SLC35F2: variants seen among roughly 807,000 people sequenced by gnomAD.
SLC35F2 encodes solute carrier family 35 member F2, also known as queuine/queuosine transporter SLC35F2.
A neutral mutation model predicts 38.1 loss-of-function variants in SLC35F2; 25 were observed. The ratio of observed to expected loss-of-function variants is 0.66; its 90% confidence interval spans 0.48 to 0.92. The LOEUF (loss-of-function observed/expected upper bound fraction) is 0.92. SLC35F2 is among the 40% of genes least tolerant of loss of function. The pLI, the probability that SLC35F2 is intolerant of heterozygous loss-of-function variation, is 0.00. For synonymous variants in SLC35F2, 173 were observed against 181.7 expected, an observed-to-expected ratio of 0.95 and a Z score of 0.38; for missense variants, 409 against 452.9, an observed-to-expected ratio of 0.90 and a Z score of 0.88.
chr11:107,852,245 T>G (rs1860198745), intron 1 of SLC35F2, among the ~76,000 whole-genome samples: 1 of 151,756 alleles, frequency 6.6e-6, no homozygotes, highest in African/African-American at 2.4e-5. Context: ...TGGTGAAACC[T>G]CATCTCTGCT....
rs1205969339 is a variant in SLC35F2, at chr11:107,791,534, G to A, written c.*1081C>T. The A allele has an allele frequency of 6.6e-6, 1 of 152,238 alleles. No homozygotes were observed. Among genetic ancestry groups the A allele is most frequent in the East Asian group, 1.9e-4 (1 of 5,194 alleles). 9.4% of individuals were successfully genotyped at this position (152,238 alleles called of 1,614,324 possible). ...GTCACAGGCTCCGAGAGCAGAGAGA[G>A]TTTGCTCTGGGACCTGGAATGAGTG... is the stretch of plus-strand genomic sequence containing the variant. On this transcript the variant is annotated 3_prime_UTR_variant, in exon 8 of 8. Transcript: ENST00000525815.
intron 1 of SLC35F2, among the ~76,000 whole-genome samples, chr11:107,833,828 A>T (rs984382884): frequency 2.0e-5 from 3 of 152,326 alleles, no homozygotes; most frequent in African/African-American, 7.2e-5. Context: ...TAGGAAGGGG[A>T]GGGGAAGTTA....
At chr11:107,832,697 T>G (rs1160640969) in intron 1 of SLC35F2, among the ~76,000 whole-genome samples, 1 of 152,030 alleles carries the variant, frequency 6.6e-6, no homozygotes, top group Non-Finnish European at 1.5e-5. Context: ...TCCCAGCTAT[T>G]TAGGAGGCTG....
At chr11:107,822,247 A>G (rs995076497) in intron 1 of SLC35F2, among the ~76,000 whole-genome samples, 3 of 152,208 alleles carry the variant, frequency 2.0e-5, no homozygotes, top group Non-Finnish European at 4.4e-5. Flanking sequence ...AAAAAAATTT[A>G]AGGAATGAAA....
chr11:107,792,887 C>A (rs1859155228), intron 7 of SLC35F2, 87 bp from the exon 8 acceptor site: 3 of 1,410,818 alleles, frequency 2.1e-6, no homozygotes, highest in Admixed American at 3.2e-5. Flanking sequence ...CGAGGATTAC[C>A]CTCTCATAAT....
intron 1 of SLC35F2, among the ~76,000 whole-genome samples, chr11:107,856,967 T>G (rs1860299116): frequency 8.0e-6 from 1 of 125,744 alleles, no homozygotes; most frequent in Non-Finnish European, 1.6e-5. Context: ...GTTAAGTGAC[T>G]TGTCCAAGAA....
intron 3 of SLC35F2, among the ~76,000 whole-genome samples, chr11:107,807,828 G>A (rs1266983038): frequency 1.3e-5 from 2 of 152,120 alleles, no homozygotes; most frequent in Non-Finnish European, 2.9e-5. Context: ...GTCTGCCTCG[G>A]CCTCCCAAAG....
intron 1 of SLC35F2, among the ~76,000 whole-genome samples, chr11:107,831,351 G>T (rs1164746869): frequency 6.6e-6 from 1 of 152,192 alleles, no homozygotes; most frequent in African/African-American, 2.4e-5. Context: ...CTACCACATA[G>T]CTGGGACTAC....
chr11:107,797,979 G>GT (rs1423770918), intron 7 of SLC35F2, among the ~76,000 whole-genome samples: 1 of 144,996 alleles, frequency 6.9e-6, no homozygotes, highest in Non-Finnish European at 1.5e-5. Flanking sequence ...TTTTAAGTTG[G>GT]TATTTTTTAT....
chr11:107,816,525 G>C (rs1388849292), intron 1 of SLC35F2, among the ~76,000 whole-genome samples: 1 of 150,318 alleles, frequency 6.7e-6, no homozygotes, highest in East Asian at 2.0e-4. Flanking sequence ...AGGCTCAAGG[G>C]ACCCTCCCAC....
rs1376066923 is a variant in SLC35F2, at chr11:107,791,188, G to A, written c.*1427C>T. ...ACAGGGCATTACAGATTTTTGATAA[G>A]AAGTAGTAATAGCATTGTCTTTTAA... On this transcript the variant is annotated 3_prime_UTR_variant, in exon 8 of 8. Transcript: ENST00000525815. 1.3e-5 allele frequency: 2 copies of A among 152,636 alleles called. No individual in the cohort carries two copies. The highest frequency in any genetic ancestry group is 4.8e-5 in the African/African-American group (2 of 41,450). 9.5% of individuals were successfully genotyped at this position (152,636 alleles called of 1,614,324 possible). A position where few individuals can be genotyped will look rare whatever the true frequency, so the allele number is the denominator to read the frequency against.
chr11:107,820,770 A>G (rs1859656022), intron 1 of SLC35F2, among the ~76,000 whole-genome samples: 2 of 152,172 alleles, frequency 1.3e-5, no homozygotes, highest in African/African-American at 4.8e-5. Flanking sequence ...AACCTGGCTG[A>G]CATAGTGAAA....
At chr11:107,839,787 G>A (rs1859987613) in intron 1 of SLC35F2, among the ~76,000 whole-genome samples, 1 of 152,062 alleles carries the variant, frequency 6.6e-6, no homozygotes, top group Admixed American at 6.6e-5. Context: ...CTAAGTAGCT[G>A]GGATTACAGG....
chr11:107,838,720 CT>C (rs1163922581), intron 1 of SLC35F2, among the ~76,000 whole-genome samples: 2 of 150,558 alleles, frequency 1.3e-5, no homozygotes, highest in Non-Finnish European at 1.5e-5. Context: ...CCTCTGCCTC[CT>C]GGGTTCAAGC....
At chr11:107,840,799 G>A (rs905664254) in intron 1 of SLC35F2, 6 of 152,142 alleles carry the variant, frequency 3.9e-5, no homozygotes, top group African/African-American at 1.2e-4. Flanking sequence ...CCAGTGGTGA[G>A]CTGGACACCA....
intron 1 of SLC35F2, among the ~76,000 whole-genome samples, chr11:107,821,803 T>G (rs1042856527): frequency 1.3e-5 from 2 of 152,174 alleles, no homozygotes; most frequent in Non-Finnish European, 2.9e-5. Flanking sequence ...AGCTTCACAC[T>G]GGGGGCCAGG....
At chr11:107,840,348 G>T (rs1234383088) in intron 1 of SLC35F2, among the ~76,000 whole-genome samples, 1 of 152,124 alleles carries the variant, frequency 6.6e-6, no homozygotes, top group Non-Finnish European at 1.5e-5. Flanking sequence ...TCCCAGTCTG[G>T]CACAGGGACT....
intron 1 of SLC35F2, among the ~76,000 whole-genome samples, chr11:107,817,883 C>T (rs1359344501): frequency 6.6e-6 from 1 of 151,178 alleles, no homozygotes; most frequent in Non-Finnish European, 1.5e-5. Context: ...CATGGTCAAA[C>T]CCCATCTCTA....
At chr11:107,803,230 C>A in intron 6 of SLC35F2, 75 bp from the exon 7 acceptor site, 2 of 1,463,670 alleles carry the variant, frequency 1.4e-6, no homozygotes, top group South Asian at 2.9e-5. Context: ...GCTTAGCTGT[C>A]ATATAAAACT....
Sources: allele counts gnomAD v4.1 joint callset (sites outside exome capture counted in the v4.1 genomes callset), GRCh38; gene constraint gnomAD v4.1.1; transcripts MANE v1.5; gene names NCBI Gene and HGNC (gene_info 2026-07-23, HGNC 2026-07-21).